TCAIM: variants seen among roughly 807,000 people sequenced by gnomAD.
TCAIM encodes the protein T-cell activation inhibitor, mitochondrial.
TCAIM carries 36 observed loss-of-function variants against 58.6 expected under a neutral mutation model. That is an observed-to-expected ratio of 0.61 (90% confidence interval 0.47 to 0.81). The LOEUF (loss-of-function observed/expected upper bound fraction) is 0.81. Among genes scored for constraint, TCAIM ranks in the 30% least tolerant of loss-of-function variants. The pLI is 0.00. For missense variants in TCAIM, 466 were observed against 579.6 expected (o/e 0.80, Z 2.01); for synonymous variants, 172 against 193.6 (o/e 0.89, Z 0.93).
At chr3:44,404,677 CT>C (rs1310352015) in intron 10 of TCAIM, among the ~76,000 whole-genome samples, 2 of 152,110 alleles carry the variant, frequency 1.3e-5, no homozygotes. Context: ...TGAAGACTAA[CT>C]TCTTTCCTTC....
chr3:44,363,845 G>A lies in TCAIM; in HGVS notation c.319+2327G>A, dbSNP rs142920703. On this transcript the variant is annotated intron_variant, in intron 4 of 10. Transcript: ENST00000342649. ...AGCCTGTACTCCCAGCTACTCAGAAGACTGAGGTGGGAGAATCACTTGAGC... is the reference window on the plus strand; with the variant it reads ...AGCCTGTACTCCCAGCTACTCAGAAAACTGAGGTGGGAGAATCACTTGAGC... Among the ~76,000 whole-genome samples the A allele has an allele frequency of 3.3e-3, 488 of 149,904 alleles. 2 individuals are homozygous for A. Among genetic ancestry groups the A allele is most frequent in the Non-Finnish European group, 5.5e-3 (374 of 67,542 alleles).
rs562893431 is a variant in TCAIM at position 44,393,523 on chromosome 3, A to G, written c.695+546A>G. On this transcript the variant is annotated intron_variant, in intron 6 of 10. Coordinates refer to ENST00000342649, the MANE Select transcript of TCAIM (RefSeq NM_173826.4). Reference sequence around the variant, plus strand: ...ATAAAGAAGTAAGGTTTGTTTAAGTACTGACATTTTTGGCGTAATAAACTT... The same window carrying G: ...ATAAAGAAGTAAGGTTTGTTTAAGTGCTGACATTTTTGGCGTAATAAACTT... Among the ~76,000 whole-genome samples, 10 of 152,316 alleles carry G rather than the reference A, an allele frequency of 6.6e-5. No individual in the cohort carries two copies. In the South Asian group the frequency reaches 2.1e-3, roughly 32 times the overall value.
upstream of TCAIM, chr3:44,338,156 C>G (rs902052527): frequency 1.3e-5 from 2 of 152,582 alleles, no homozygotes; most frequent in Non-Finnish European, 2.9e-5. Context: ...TCCCCAAGAT[C>G]CAGCGCGTGC....
intron 4 of TCAIM, 75 bp from the exon 5 acceptor site, chr3:44,367,381 A>G: frequency 6.7e-7 from 1 of 1,483,932 alleles, no homozygotes; most frequent in South Asian, 1.5e-5. Flanking sequence ...TGTTTAAAAG[A>G]TTTTGATTTT....
chr3:44,403,256 G>A (rs1290407571), intron 10 of TCAIM, among the ~76,000 whole-genome samples: 1 of 152,156 alleles, frequency 6.6e-6, no homozygotes, highest in South Asian at 2.1e-4. Flanking sequence ...GCAACAGAGC[G>A]AGACTCCGTC....
Position 44,367,447 on chromosome 3 carries a change from A to G in TCAIM, c.320-9A>G, listed in dbSNP as rs1701397536. ...TGTATTAATTGTTTGGGGGAATTATATTCTCTAGGATTTCGAGCAGTCAAA... is the reference window on the plus strand; with the variant it reads ...TGTATTAATTGTTTGGGGGAATTATGTTCTCTAGGATTTCGAGCAGTCAAA... On this transcript the variant is annotated splice_polypyrimidine_tract_variant and intron_variant, in intron 4 of 10. Transcript: ENST00000342649. 1 of 1,599,056 alleles carries G rather than the reference A, an allele frequency of 6.3e-7. No homozygotes were observed. Among genetic ancestry groups the G allele is most frequent in the Non-Finnish European group, 8.5e-7 (1 of 1,170,356 alleles).
chr3:44,344,023 C>CTTTT (rs5848695), intron 1 of TCAIM, among the ~76,000 whole-genome samples: 5 of 118,368 alleles, frequency 4.2e-5, no homozygotes, highest in African/African-American at 6.2e-5. Context: ...GATGGAAATG[C>CTTTT]TTTTTTTTTT....
At chr3:44,367,115 A>G (rs930051444) in intron 4 of TCAIM, among the ~76,000 whole-genome samples, 4 of 152,160 alleles carry the variant, frequency 2.6e-5, no homozygotes, top group African/African-American at 7.2e-5. Context: ...TCTCTCTCTT[A>G]AGAGACCAGA....
chr3:44,366,621 C>T (rs1338233036), intron 4 of TCAIM, among the ~76,000 whole-genome samples: 2 of 110,924 alleles, frequency 1.8e-5, no homozygotes, highest in South Asian at 4.9e-4. Context: ...CCACCACGCC[C>T]GGCTAATTTT....
chr3:44,349,862 G>A (rs1559559923), intron 1 of TCAIM, among the ~76,000 whole-genome samples: 1 of 152,192 alleles, frequency 6.6e-6, no homozygotes, highest in African/African-American at 2.4e-5. Context: ...GGAGAAGAGA[G>A]TAGAAAGAGG....
chr3:44,372,508 G>A (rs1441055033), intron 5 of TCAIM, among the ~76,000 whole-genome samples: 5 of 151,922 alleles, frequency 3.3e-5, no homozygotes, highest in Non-Finnish European at 5.9e-5. Flanking sequence ...TTCAGAAGTA[G>A]CATAAAAATG....
chr3:44,390,234 A>T (rs1251870133), intron 5 of TCAIM, among the ~76,000 whole-genome samples: 2 of 152,224 alleles, frequency 1.3e-5, no homozygotes, highest in East Asian at 3.8e-4. Flanking sequence ...TCTAAACCTG[A>T]TAATTTTTAA....
intron 5 of TCAIM, among the ~76,000 whole-genome samples, chr3:44,376,022 ACGACATGGATGAAC>A (rs1575260415): frequency 6.6e-6 from 1 of 152,288 alleles, no homozygotes; most frequent in Non-Finnish European, 1.5e-5. Context: ...GATACTTACT[ACGACATGGATGAAC>A]CTTGAAAACA....
intron 3 of TCAIM, chr3:44,358,529 G>A: frequency 2.4e-6 from 1 of 418,708 alleles, no homozygotes; most frequent in Non-Finnish European, 4.1e-6. Context: ...GAACAACACA[G>A]GATAACAACT....
chr3:44,358,127 T>C (rs1701232401), intron 3 of TCAIM: 1 of 1,474,058 alleles, frequency 6.8e-7, no homozygotes, highest in South Asian at 1.4e-5. Context: ...ATGTTTTTGG[T>C]ACCAATTTTT....
intron 1 of TCAIM, among the ~76,000 whole-genome samples, chr3:44,345,917 A>G (rs1269608829): frequency 3.3e-5 from 5 of 152,156 alleles, no homozygotes; most frequent in Admixed American, 1.3e-4. Flanking sequence ...GTAGTTGAGA[A>G]TGGTGAATAG....
At chr3:44,339,570 T>C (rs1338257832) in intron 1 of TCAIM, 1 of 152,178 alleles carries the variant, frequency 6.6e-6, no homozygotes, top group Non-Finnish European at 1.5e-5. Flanking sequence ...TTAGGTAAAA[T>C]TAGAAATTTT....
chr3:44,338,195 C>CCCTTGGT (rs1484827815), upstream of TCAIM: 1 of 152,564 alleles, frequency 6.6e-6, no homozygotes, highest in African/African-American at 2.4e-5. Flanking sequence ...TCCTTGCAGG[C>CCCTTGGT]CCTTGGGTCA....
chr3:44,355,461 G>T (rs1243129568), intron 2 of TCAIM, among the ~76,000 whole-genome samples: 1 of 152,236 alleles, frequency 6.6e-6, no homozygotes, highest in Non-Finnish European at 1.5e-5. Context: ...CACCACCAAA[G>T]CTGTTTGAGT....
Sources: gnomAD v4.1 joint callset for allele counts (sites outside exome capture counted in the v4.1 genomes callset) on GRCh38, gnomAD v4.1.1 for gene constraint, MANE v1.5 for transcripts, NCBI Gene and HGNC (gene_info 2026-07-23, HGNC 2026-07-21) for gene names.